Variants in CYP4F22 observed in about 807,000 individuals in gnomAD.
CYP4F22 encodes cytochrome P450 family 4 subfamily F member 22.
A neutral mutation model predicts 60.4 loss-of-function variants in CYP4F22; 37 were observed. The ratio of observed to expected loss-of-function variants is 0.61; its 90% CI spans 0.47 to 0.81. The LOEUF (loss-of-function observed/expected upper bound fraction) is 0.81. Ranked by LOEUF, CYP4F22 falls within the 30% of genes least tolerant of loss-of-function variation. The pLI, the probability that CYP4F22 is intolerant of heterozygous loss-of-function variation, is 0.00. For synonymous variants in CYP4F22, 258 were observed against 280.5 expected (o/e 0.92, Z 0.80); for missense variants, 655 against 715.0 (o/e 0.92, Z 0.96).
chr19:15,530,275 G>T (rs1971328525), intron 4 of CYP4F22, among the ~76,000 whole-genome samples: 1 of 152,202 alleles, frequency 6.6e-6, no homozygotes. Context: ...GGAGGGAGAT[G>T]TGGAAGAATT....
intron 1 of CYP4F22, chr19:15,516,743 A>G: frequency 3.1e-6 from 2 of 635,828 alleles, no homozygotes; most frequent in Non-Finnish European, 5.2e-6. Flanking sequence ...TTTGTATTCA[A>G]CCTGGAATCC....
At chr19:15,514,575 G>T (rs1408228178) in intron 1 of CYP4F22, among the ~76,000 whole-genome samples, 1 of 152,110 alleles carries the variant, frequency 6.6e-6, no homozygotes, top group Non-Finnish European at 1.5e-5. Context: ...GGGAGGCTGA[G>T]GCAGACAATT....
chr19:15,541,437 T>G (rs1283913778), intron 8 of CYP4F22, among the ~76,000 whole-genome samples: 1 of 151,926 alleles, frequency 6.6e-6, no homozygotes, highest in Non-Finnish European at 1.5e-5. Flanking sequence ...GGCCCTGCCC[T>G]AATGAGTTCA....
At chr19:15,548,942 A>G (rs560225402) in intron 11 of CYP4F22, among the ~76,000 whole-genome samples, 196 bp from the exon 12 acceptor site, 152 of 152,272 alleles carry the variant, frequency 1.0e-3, no homozygotes, top group African/African-American at 3.5e-3. Flanking sequence ...GCAGCCAGAA[A>G]GAAGATGATA....
At chr19:15,521,922 A>T (rs1167882284) in intron 1 of CYP4F22, among the ~76,000 whole-genome samples, 1 of 151,986 alleles carries the variant, frequency 6.6e-6, no homozygotes, top group Non-Finnish European at 1.5e-5. Flanking sequence ...AGGTGGGTGG[A>T]TGGCCTGAGG....
chr19:15,550,197 C>G (rs1023025871), intron 12 of CYP4F22, among the ~76,000 whole-genome samples: 3 of 152,040 alleles, frequency 2.0e-5, no homozygotes. Context: ...TCCCAAAGTG[C>G]TGGGATTACA....
chr19:15,521,052 C>T lies in CYP4F22; in HGVS notation c.-108-2641C>T, dbSNP rs144650154. Among the ~76,000 whole-genome samples the T allele has an allele frequency of 2.0e-3, 304 of 152,230 alleles. 3 individuals are homozygous for T. Among genetic ancestry groups the T allele is most frequent in the African/African-American group, 6.9e-3 (285 of 41,518 alleles). On this transcript the variant is annotated intron_variant, in intron 1 of 13. Transcript: ENST00000269703. ...AAAGTGCTGGGATTACAAGTGTGAG[C>T]CACCACGTCCAGCTGTGATTGGCTT...
At chr19:15,516,513 C>A (rs146902623) in intron 1 of CYP4F22, 1 of 214,430 alleles carries the variant, frequency 4.7e-6, no homozygotes, top group African/African-American at 2.3e-5. Context: ...TGTGCTCTCG[C>A]CATTATTCCA....
intron 1 of CYP4F22, among the ~76,000 whole-genome samples, chr19:15,523,373 A>G (rs1168052433): frequency 1.3e-5 from 2 of 152,060 alleles, no homozygotes; most frequent in Non-Finnish European, 2.9e-5. Flanking sequence ...AACAAAAAAC[A>G]AAAAAACTCA....
At chr19:15,547,085 G>A (rs933354185) in intron 10 of CYP4F22, among the ~76,000 whole-genome samples, 2 of 140,904 alleles carry the variant, frequency 1.4e-5, no homozygotes, top group Non-Finnish European at 3.0e-5. Context: ...GTGTAGTGGT[G>A]CAATCTCATC....
At chr19:15,515,787 G>A (rs76832214) in intron 1 of CYP4F22, among the ~76,000 whole-genome samples, 29,635 of 151,510 alleles carry the variant, frequency 0.2, 3,808 homozygotes, top group East Asian at 0.64. Context: ...GCAGTGGCGC[G>A]ATCTCGGCTC....
intron 8 of CYP4F22, among the ~76,000 whole-genome samples, chr19:15,541,538 G>A (rs117915232): frequency 3.9e-5 from 6 of 152,076 alleles, no homozygotes; most frequent in Admixed American, 1.3e-4. Flanking sequence ...TCTAGCGGAG[G>A]GGGGGTGGGC....
rs1246215641 is a variant in CYP4F22 at position 15,550,737 on chromosome 19, C to T, written c.1399C>T (p.Pro467Ser). The change falls in exon 13 of 14, where the codon CCC becomes TCC. Residue 467 changes from proline to serine, a missense_variant. Pro to Ser is a moderately conservative substitution (Grantham distance 74). This residue lies in a region of CYP4F22 where 151 missense variants were observed against 139.4 expected (regional missense o/e 1.08). Coordinates refer to ENST00000269703, the MANE Select transcript of CYP4F22 (RefSeq NM_173483.4). ...GCAGCGCTCTCCACTGGCCTATGTG[C>T]CCTTCTCTGCAGGACCCAGGTAACC... is the stretch of plus-strand genomic sequence containing the variant. ...PQQRSPLAYVPFSAGPRNCIG... is the reference protein window; with the variant it reads ...PQQRSPLAYVSFSAGPRNCIG... 3 of 1,614,202 alleles carry T rather than the reference C, an allele frequency of 1.9e-6. No individual in the cohort carries two copies. Among genetic ancestry groups the T allele is most frequent in the Non-Finnish European group, 2.5e-6 (3 of 1,180,032 alleles).
chr19:15,515,100 CA>C (rs963238016), intron 1 of CYP4F22, among the ~76,000 whole-genome samples: 1 of 152,132 alleles, frequency 6.6e-6, no homozygotes, highest in African/African-American at 2.4e-5. Flanking sequence ...CCTTCTTCCC[CA>C]AAGGCAGCTG....
intron 1 of CYP4F22, among the ~76,000 whole-genome samples, 153 bp from the exon 2 acceptor site, chr19:15,523,540 G>A (rs1971248558): frequency 2.0e-5 from 3 of 152,282 alleles, no homozygotes; most frequent in South Asian, 4.1e-4. Context: ...TGAGGTTTGG[G>A]TGGGGACACA....
chr19:15,517,894 C>A (rs776375085), intron 1 of CYP4F22, among the ~76,000 whole-genome samples: 1 of 152,030 alleles, frequency 6.6e-6, no homozygotes, highest in Non-Finnish European at 1.5e-5. Context: ...ACAGAATGTG[C>A]AAAGGCTCTG....
intron 1 of CYP4F22, among the ~76,000 whole-genome samples, chr19:15,522,401 G>A (rs1042760915): frequency 4.6e-5 from 7 of 152,258 alleles, no homozygotes; most frequent in Admixed American, 3.9e-4. Flanking sequence ...GCAGCTGGGC[G>A]AGGTGGCTCA....
chr19:15,510,706 C>A (rs560106943), intron 1 of CYP4F22, among the ~76,000 whole-genome samples: 1 of 152,040 alleles, frequency 6.6e-6, no homozygotes, highest in Non-Finnish European at 1.5e-5. Flanking sequence ...ATCAAAGCTG[C>A]GATAGGACTG....
chr19:15,536,483 G>C (rs1273528), intron 4 of CYP4F22, among the ~76,000 whole-genome samples: 4,250 of 152,278 alleles, frequency 0.028, 186 homozygotes, highest in African/African-American at 0.098. Context: ...GGTGATGGGT[G>C]TGTGAGCAGG....
Sources: allele counts gnomAD v4.1 joint callset (sites outside exome capture counted in the v4.1 genomes callset), GRCh38; gene constraint gnomAD v4.1.1; regional missense constraint gnomAD v4.1.1; transcripts MANE v1.5; gene names NCBI Gene and HGNC (gene_info 2026-07-23, HGNC 2026-07-21).